DCAF1: variants seen among roughly 807,000 people sequenced by gnomAD.
DCAF1 encodes DDB1- and CUL4-associated factor 1.
A neutral mutation model predicts 128.0 loss-of-function variants in DCAF1; 15 were observed. The ratio of observed to expected loss-of-function variants is 0.12; its 90% CI spans 0.08 to 0.18. DCAF1 has a LOEUF of 0.18. Ranked by LOEUF, DCAF1 falls within the 10% of genes least tolerant of loss-of-function variation. The pLI is 1.00. For synonymous variants in DCAF1, 610 were observed against 603.0 expected, an observed-to-expected ratio of 1.01 and a Z score of -0.17; for missense variants, 988 against 1,649.5, an observed-to-expected ratio of 0.60 and a Z score of 6.95.
intron 5 of DCAF1, among the ~76,000 whole-genome samples, chr3:51,463,853 C>A (rs1244045817): frequency 2.0e-5 from 3 of 151,968 alleles, no homozygotes; most frequent in African/African-American, 7.3e-5. Flanking sequence ...CTTCCATATA[C>A]ACTTTAATGA....
chr3:51,405,146 G>A (rs770749966), intron 23 of DCAF1, among the ~76,000 whole-genome samples: 52 of 152,124 alleles, frequency 3.4e-4, no homozygotes, highest in Non-Finnish European at 6.0e-4. Context: ...TTAAGGCTTC[G>A]TGGACAGAAC....
intron 2 of DCAF1, among the ~76,000 whole-genome samples, chr3:51,484,958 C>T (rs1272565030): frequency 6.6e-6 from 1 of 151,828 alleles, no homozygotes. Flanking sequence ...TCTTACTGCC[C>T]AGGCTGGAGT....
intron 24 of DCAF1, among the ~76,000 whole-genome samples, chr3:51,400,503 C>T (rs2089588278): frequency 6.6e-6 from 1 of 152,216 alleles, no homozygotes; most frequent in African/African-American, 2.4e-5. Context: ...ACTGTAAATG[C>T]AGCTTAACGA....
Position 51,398,836 on chromosome 3 carries a change from G to A in DCAF1, c.4466-9C>T. 6.3e-7 allele frequency: 1 copy of A among 1,578,154 alleles called. No individual in the cohort carries two copies. Among genetic ancestry groups the A allele is most frequent in the South Asian group, 1.2e-5 (1 of 85,788 alleles). Reference sequence around the variant, plus strand: ...GTTGTCAGAGCTGTCAGCTGAAAGGGAAGAAAAGGGAGAGACAAGATTACA... The same window carrying A: ...GTTGTCAGAGCTGTCAGCTGAAAGGAAAGAAAAGGGAGAGACAAGATTACA... On this transcript the variant is annotated splice_polypyrimidine_tract_variant and intron_variant, in intron 24 of 24. Transcript: ENST00000684031.
At chr3:51,405,498 C>T (rs1001217963) in intron 23 of DCAF1, among the ~76,000 whole-genome samples, 1 of 152,124 alleles carries the variant, frequency 6.6e-6, no homozygotes, top group Admixed American at 6.5e-5. Flanking sequence ...ACATATGTGA[C>T]CATGAGAGAG....
At chr3:51,491,347 C>CAA (rs1157221527) in intron 2 of DCAF1, among the ~76,000 whole-genome samples, 11 of 91,692 alleles carry the variant, frequency 1.2e-4, no homozygotes, top group Non-Finnish European at 1.4e-4. Context: ...ACTATGTCTC[C>CAA]AAAAAAAAAA....
intron 18 of DCAF1, among the ~76,000 whole-genome samples, chr3:51,415,279 G>A (rs1159251517): frequency 6.6e-6 from 1 of 152,066 alleles, no homozygotes; most frequent in African/African-American, 2.4e-5. Context: ...GATCACTTGA[G>A]CCCAGGAGTT....
At position 51,451,167 on chromosome 3, in the gene DCAF1, C is replaced by T. The variant is rs1322112870; in HGVS notation, c.376-7264G>A. Among the ~76,000 whole-genome samples, 4 of 131,604 alleles carry T rather than the reference C, an allele frequency of 3.0e-5. No homozygotes were observed. In the East Asian group the frequency reaches 9.4e-4, roughly 31 times the overall value. The allele number at this position is 131,604 out of a possible 152,430, so 86.3% of individuals were successfully genotyped here. A position where few individuals can be genotyped will look rare whatever the true frequency, so the allele number is the denominator to read the frequency against. On this transcript the variant is annotated intron_variant, in intron 6 of 24. Transcript: ENST00000684031. ...GCAGTGACATAATCATAACTCACTG[C>T]AACCTCGAACTCCTGCGCTGAAGCA...
At position 51,498,019 on chromosome 3, in the gene DCAF1, C is replaced by T. The variant is rs879971774; in HGVS notation, c.-55-1239G>A. On this transcript the variant is annotated intron_variant, in intron 1 of 24. Transcript: ENST00000684031. ...GAGCTGAGATCGCGCCACTGCACTC[C>T]AGCCTGGGCAACACAGTGAGACTCT... Among the ~76,000 whole-genome samples, 194 of 104,266 alleles carry T rather than the reference C, an allele frequency of 1.9e-3. No individual in the cohort carries two copies. The Middle Eastern group carries it at 0.048, about 26-fold the overall frequency. The allele number at this position is 104,266 out of a possible 152,430, so 68.4% of individuals were successfully genotyped here.
intron 9 of DCAF1, among the ~76,000 whole-genome samples, chr3:51,434,829 G>A (rs1209077708): frequency 6.7e-6 from 1 of 150,360 alleles, no homozygotes; most frequent in East Asian, 2.0e-4. Flanking sequence ...CCTGCACAAT[G>A]TTATGGGCAA....
In DCAF1 at chr3:51,420,063, G is replaced by A. The variant is rs1553631855; in HGVS notation, c.2907C>T (p.Gly969=). The change falls in exon 15 of 25, where the codon GGC becomes GGT. Residue 969 remains glycine, a synonymous_variant. Transcript: ENST00000684031. The surrounding 1 kb of genome is among the most constrained non-coding windows in gnomAD (Gnocchi z 6.5). Reference sequence around the variant, plus strand: ...TCTGCCGCAACACTCTGATTTTCCTGCCATTGCAGGGTGATGGCCTCTCTC... The same window carrying A: ...TCTGCCGCAACACTCTGATTTTCCTACCATTGCAGGGTGATGGCCTCTCTC... The part of the protein sequence containing the change: ...FIRERPSPCN[G]RKIRVLRQKS... 2 of 1,614,032 alleles carry A rather than the reference G, an allele frequency of 1.2e-6. No homozygotes were observed. The highest frequency in any genetic ancestry group is 2.2e-5 in the East Asian group (1 of 44,888).
Position 51,441,394 on chromosome 3 carries a change from T to C in DCAF1, c.1017A>G (p.Glu339=). ...LILQYLTPLG[E]YQELLPIFMQ... ...TTCCCAATAAGCTTACCTCCTGATA[T>C]TCTCCTAGAGGGGTCAAATATTGGA... Residue 339 remains glutamate (E), a synonymous_variant, in exon 8 of 25, where the codon GAA becomes GAG. Coordinates refer to ENST00000684031, the MANE Select transcript of DCAF1 (RefSeq NM_001387579.1). 1 of 1,612,056 alleles carries C rather than the reference T, an allele frequency of 6.2e-7. No individual in the cohort carries two copies. The highest frequency in any genetic ancestry group is 8.5e-7 in the Non-Finnish European group (1 of 1,178,844).
intron 10 of DCAF1, among the ~76,000 whole-genome samples, chr3:51,431,128 C>T (rs1700329051): frequency 6.6e-6 from 1 of 152,134 alleles, no homozygotes; most frequent in African/African-American, 2.4e-5. Context: ...GATCATGCCA[C>T]TGGACTCCAG....
intron 2 of DCAF1, among the ~76,000 whole-genome samples, chr3:51,489,302 G>A (rs1707344069): frequency 6.6e-6 from 1 of 151,640 alleles, no homozygotes; most frequent in Non-Finnish European, 1.5e-5. Context: ...GCATGATGGG[G>A]CACACCTGTA....
intron 2 of DCAF1, among the ~76,000 whole-genome samples, chr3:51,487,802 A>G (rs2108481513): frequency 2.0e-5 from 3 of 151,936 alleles, no homozygotes; most frequent in Admixed American, 2.0e-4. Flanking sequence ...CAGCCTCCCA[A>G]AGTGCTAGGA....
chr3:51,423,870 T>G lies in DCAF1; in HGVS notation c.1848-1439A>C, dbSNP rs187350976. 2.0e-5 allele frequency among the ~76,000 whole-genome samples: 3 copies of G among 150,560 alleles called. No individual in the cohort carries two copies. The East Asian group carries it at 5.8e-4, about 29-fold the overall frequency. On this transcript the variant is annotated intron_variant, in intron 13 of 24. Transcript: ENST00000684031. ...GAAATAATCAGAAGAATTTATGTATTAAGATGTTCATTAGCCACATTAAAA... is the reference window on the plus strand; with the variant it reads ...GAAATAATCAGAAGAATTTATGTATGAAGATGTTCATTAGCCACATTAAAA...
chr3:51,483,791 T>A lies in DCAF1; in HGVS notation c.38A>T (p.Glu13Val). 1 of 1,613,868 alleles carries A rather than the reference T, an allele frequency of 6.2e-7. No individual in the cohort carries two copies. Among genetic ancestry groups the A allele is most frequent in the Non-Finnish European group, 8.5e-7 (1 of 1,179,874 alleles). The change falls in exon 3 of 25, where the codon GAG becomes GTG. Residue 13 changes from glutamate to valine, a missense_variant. By Grantham distance (121) the Glu-to-Val change is moderately radical. Around this residue, in one of 11 missense-constraint regions of DCAF1, gnomAD observed 48 missense variants for 52.6 expected, o/e 0.91. Transcript: ENST00000684031. ...TVVVHVDSKA[E>V]LTTLLEQWEK... is the part of the protein sequence containing the mutation. The stretch of plus-strand genomic sequence containing the variant: ...CCACTGCTCCAGCAGGGTAGTGAGC[T>A]CAGCTTTGGAGTCCACATGTACCAC...
At chr3:51,439,930 T>G (rs1701209205) in intron 9 of DCAF1, among the ~76,000 whole-genome samples, 1 of 151,922 alleles carries the variant, frequency 6.6e-6, no homozygotes, top group Middle Eastern at 3.4e-3. Flanking sequence ...AAGCGGAGGT[T>G]CCAGTGAGCA....
At chr3:51,471,233 G>C (rs1704709058) in intron 3 of DCAF1, among the ~76,000 whole-genome samples, 1 of 149,626 alleles carries the variant, frequency 6.7e-6, no homozygotes, top group Non-Finnish European at 1.5e-5. Flanking sequence ...GCCCAGGCTG[G>C]AGTGCAGTGG....
Sources: allele counts gnomAD v4.1 joint callset (sites outside exome capture counted in the v4.1 genomes callset), GRCh38; gene constraint gnomAD v4.1.1; regional missense constraint gnomAD v4.1.1; non-coding constraint Gnocchi (gnomAD v3.1); transcripts MANE v1.5; gene names NCBI Gene and HGNC (gene_info 2026-07-23, HGNC 2026-07-21).